Variants in ZNF638 observed in about 807,000 individuals in gnomAD.
ZNF638 encodes the protein zinc finger protein 638.
Under a neutral mutation model 195.6 loss-of-function variants are expected in ZNF638, and 46 were observed. That is an observed-to-expected ratio of 0.24 (90% CI 0.19 to 0.30). ZNF638 has a LOEUF of 0.30. ZNF638 is among the 10% of genes least tolerant of loss of function. ZNF638 has a pLI of 1.00. For missense variants in ZNF638, 2,440 were observed against 2,325.3 expected (o/e 1.05, Z -1.01); for synonymous variants, 845 against 772.0 (o/e 1.09, Z -1.57).
intron 10 of ZNF638, among the ~76,000 whole-genome samples, chr2:71,383,981 A>C (rs143870795): frequency 8.6e-5 from 13 of 151,832 alleles, no homozygotes; most frequent in African/African-American, 2.7e-4. Flanking sequence ...CCCCTTGAGT[A>C]TACTCTTCTC....
At chr2:71,401,647 A>G (rs1483841853) in intron 15 of ZNF638, among the ~76,000 whole-genome samples, 1 of 151,892 alleles carries the variant, frequency 6.6e-6, no homozygotes, top group Non-Finnish European at 1.5e-5. Context: ...AGGTTGTACC[A>G]CTGCACTCCA....
intron 21 of ZNF638, 139 bp downstream of exon 21, chr2:71,418,778 C>T: frequency 1.9e-6 from 1 of 514,298 alleles, no homozygotes; most frequent in East Asian, 3.3e-5. Flanking sequence ...GGGCTTGTTA[C>T]AGTTTTCTTT....
At chr2:71,385,197 A>C (rs764302455) in intron 10 of ZNF638, among the ~76,000 whole-genome samples, 8 of 152,240 alleles carry the variant, frequency 5.3e-5, no homozygotes, top group Non-Finnish European at 7.3e-5. Context: ...ATTGTGAAAT[A>C]GTACAGCCAT....
At chr2:71,358,426 G>C (rs1383438296) in intron 3 of ZNF638, among the ~76,000 whole-genome samples, 2 of 152,114 alleles carry the variant, frequency 1.3e-5, no homozygotes, top group African/African-American at 2.4e-5. Flanking sequence ...CAGTGCTTTT[G>C]CTGCCAAAAG....
At chr2:71,417,147 C>A (rs2152594589) in intron 20 of ZNF638, among the ~76,000 whole-genome samples, 1 of 150,606 alleles carries the variant, frequency 6.6e-6, no homozygotes, top group African/African-American at 2.4e-5. Flanking sequence ...GGCATAGGAC[C>A]CTCTGAGCCA....
At chr2:71,384,026 A>G (rs141194480) in intron 10 of ZNF638, among the ~76,000 whole-genome samples, 300 of 152,156 alleles carry the variant, frequency 2.0e-3, no homozygotes, top group African/African-American at 6.8e-3. Flanking sequence ...ACCACTAATC[A>G]TCCGGTAGAG....
At chr2:71,356,190 C>A (rs2104222220) in intron 3 of ZNF638, among the ~76,000 whole-genome samples, 1 of 152,296 alleles carries the variant, frequency 6.6e-6, no homozygotes. Flanking sequence ...TGACTTAGAA[C>A]CAGTTTTCAG....
At chr2:71,334,206 C>G (rs1418181656) in intron 1 of ZNF638, among the ~76,000 whole-genome samples, 1 of 152,184 alleles carries the variant, frequency 6.6e-6, no homozygotes, top group Admixed American at 6.5e-5. Context: ...TCACCAGAGC[C>G]TGGACTCTAA....
chr2:71,408,143 C>T lies in ZNF638; in HGVS notation c.3157C>T (p.Pro1053Ser). ...AAAGGCAATTCTTCAGTTAGATAGT[C>T]CTGAATCTGCTCAGTCAATGTATAG... Reference protein sequence around the residue: ...RNKAILQLDSPESAQSMYSFL... With the variant: ...RNKAILQLDSSESAQSMYSFL... Residue 1053 changes from proline (P) to serine (S), a missense_variant, in exon 20 of 28, where the codon CCT (proline) becomes TCT (serine). By Grantham distance (74) the Pro-to-Ser change is moderately conservative. Transcript: ENST00000264447. The T allele has an allele frequency of 6.2e-7, 1 of 1,612,050 alleles. No homozygotes were observed. The highest frequency in any genetic ancestry group is 8.5e-7 in the Non-Finnish European group (1 of 1,179,150).
chr2:71,425,239 C>A (rs1214830289), intron 23 of ZNF638, among the ~76,000 whole-genome samples: 1 of 151,976 alleles, frequency 6.6e-6, no homozygotes. Flanking sequence ...AGTCATTTTA[C>A]TTTTCTTACC....
chr2:71,348,779 C>T lies in ZNF638; in HGVS notation c.-176C>T, dbSNP rs908258253. 2 of 1,546,636 alleles carry T rather than the reference C, an allele frequency of 1.3e-6. No individual in the cohort carries two copies. Among genetic ancestry groups the T allele is most frequent in the African/African-American group, 1.4e-5 (1 of 73,574 alleles). On this transcript the variant is annotated 5_prime_UTR_variant, in exon 2 of 28. Transcript: ENST00000264447. ...TTTGTGTTATTCTTGGAAAATTTCG[C>T]ACCACTTGTGAATTCCTTGAACCTG... is the stretch of plus-strand genomic sequence containing the variant.
intron 1 of ZNF638, among the ~76,000 whole-genome samples, chr2:71,341,483 C>T (rs1456694126): frequency 6.6e-6 from 1 of 151,894 alleles, no homozygotes; most frequent in Non-Finnish European, 1.5e-5. Flanking sequence ...CGTGCATGAA[C>T]GTACACTAAA....
intron 8 of ZNF638, among the ~76,000 whole-genome samples, chr2:71,378,001 A>C (rs17749725): frequency 0.48 from 72,781 of 152,070 alleles, 18,911 homozygotes; most frequent in Admixed American, 0.61. Context: ...ATTTATTCTC[A>C]GACATGCATG....
chr2:71,348,062 C>T (rs2078881136), intron 1 of ZNF638, among the ~76,000 whole-genome samples: 2 of 152,150 alleles, frequency 1.3e-5, no homozygotes, highest in Admixed American at 6.5e-5. Context: ...CATATATATT[C>T]GTCCATACTG....
At chr2:71,332,744 A>G (rs375737140) in intron 1 of ZNF638, 1 of 152,168 alleles carries the variant, frequency 6.6e-6, no homozygotes, top group Admixed American at 6.5e-5. Context: ...AATGAGGGAT[A>G]CTTCAGTATT....
At chr2:71,382,543 C>G (rs891893098) in intron 10 of ZNF638, among the ~76,000 whole-genome samples, 2 of 152,038 alleles carry the variant, frequency 1.3e-5, no homozygotes, top group Admixed American at 6.6e-5. Flanking sequence ...GTAATTTGAT[C>G]ATGAATGGAA....
chr2:71,400,386 G>A (rs1327823288), intron 14 of ZNF638, 92 bp from the exon 15 acceptor site: 26 of 1,280,554 alleles, frequency 2.0e-5, no homozygotes, highest in Admixed American at 4.8e-5. Flanking sequence ...TGTATTACAC[G>A]TTTTCATGTA....
intron 27 of ZNF638, 26 bp downstream of exon 27, chr2:71,433,309 C>T: frequency 6.7e-7 from 1 of 1,499,918 alleles, no homozygotes; most frequent in Non-Finnish European, 9.3e-7. Flanking sequence ...CTTACAAAAT[C>T]TTGAGGTGTT....
At chr2:71,433,927 C>T (rs530220110) in intron 27 of ZNF638, among the ~76,000 whole-genome samples, 30 of 152,274 alleles carry the variant, frequency 2.0e-4, no homozygotes, top group South Asian at 1.7e-3. Flanking sequence ...AAGGAGGTTA[C>T]GTATCTAAAC....
Sources: gnomAD v4.1 joint callset for allele counts (sites outside exome capture counted in the v4.1 genomes callset) on GRCh38, gnomAD v4.1.1 for gene constraint, MANE v1.5 for transcripts, NCBI Gene and HGNC (gene_info 2026-07-23, HGNC 2026-07-21) for gene names.